The following ZNF724 variants were observed in gnomAD, a reference collection of about 807,000 sequenced individuals.
The protein encoded by ZNF724 is zinc finger protein 724.
A neutral mutation model predicts 29.3 loss-of-function variants in ZNF724; 14 were observed. That is an observed-to-expected ratio of 0.48 (90% CI 0.32 to 0.75). The LOEUF (loss-of-function observed/expected upper bound fraction) is 0.75, where lower values mean the gene tolerates loss of function less well. Among genes scored for constraint, ZNF724 ranks in the 30% least tolerant of loss-of-function variants. The pLI is 0.04. For missense variants in ZNF724, 557 were observed against 571.2 expected, an observed-to-expected ratio of 0.98 and a Z score of 0.25; for synonymous variants, 180 against 193.6, an observed-to-expected ratio of 0.93 and a Z score of 0.58.
At chr19:23,228,017 G>T (rs1971869815) in intron 3 of ZNF724, among the ~76,000 whole-genome samples, 1 of 152,146 alleles carries the variant, frequency 6.6e-6, no homozygotes, top group African/African-American at 2.4e-5. Context: ...ATGCCTTTAT[G>T]AGAGAGCCAA....
intron 3 of ZNF724, 148 bp downstream of exon 3, chr19:23,231,118 G>A (rs1214923194): frequency 1.8e-6 from 1 of 570,898 alleles, no homozygotes; most frequent in African/African-American, 1.9e-5. Context: ...CCCGACCTTA[G>A]GTCATCTGCC....
intron 1 of ZNF724, among the ~76,000 whole-genome samples, chr19:23,237,463 G>C (rs1972040119): frequency 6.6e-6 from 1 of 151,916 alleles, no homozygotes; most frequent in East Asian, 1.9e-4. Context: ...TAATGTACTA[G>C]TAATAATGTA....
At chr19:23,231,835 G>A (rs1407055245) in intron 2 of ZNF724, among the ~76,000 whole-genome samples, 1 of 151,954 alleles carries the variant, frequency 6.6e-6, no homozygotes, top group East Asian at 1.9e-4. Context: ...CCGGGTTCAA[G>A]TGATTCTCCT....
rs1972191317 is a variant in ZNF724 at position 23,244,087 on chromosome 19, A to G, written c.3+6153T>C. On this transcript the variant is annotated intron_variant, in intron 1 of 3. Coordinates refer to ENST00000418100, the MANE Select transcript of ZNF724 (RefSeq NM_001355404.2). Reference sequence around the variant, plus strand: ...ACCTCTGAACTAAAATTAAAAGTTGAAAGGAAAAAACTCGACGGGTGGGGG... The same window carrying G: ...ACCTCTGAACTAAAATTAAAAGTTGGAAGGAAAAAACTCGACGGGTGGGGG... Among the ~76,000 whole-genome samples, 4 of 151,286 alleles carry G rather than the reference A, an allele frequency of 2.6e-5. No individual in the cohort carries two copies. In the Admixed American group the frequency reaches 2.6e-4, roughly 10 times the overall value.
intron 1 of ZNF724, among the ~76,000 whole-genome samples, chr19:23,246,762 G>A (rs916689063): frequency 2.6e-5 from 4 of 152,124 alleles, no homozygotes; most frequent in African/African-American, 4.8e-5. Flanking sequence ...AGGAACTGAT[G>A]TTTTTATCAA....
chr19:23,227,131 A>G, intron 3 of ZNF724, among the ~76,000 whole-genome samples: 1 of 152,244 alleles, frequency 6.6e-6, no homozygotes, highest in East Asian at 1.9e-4. Context: ...TTTCAGAGAA[A>G]ATGCAGTATA....
chr19:23,237,717 T>A (rs374071246), intron 1 of ZNF724, among the ~76,000 whole-genome samples: 4 of 132,592 alleles, frequency 3.0e-5, no homozygotes, highest in South Asian at 2.4e-4. Context: ...GAACCCGTCT[T>A]AAAAAAAAAA....
chr19:23,244,600 T>C (rs1443992181), intron 1 of ZNF724, among the ~76,000 whole-genome samples: 3 of 152,208 alleles, frequency 2.0e-5, no homozygotes, highest in African/African-American at 4.8e-5. Context: ...AGACCTTTTA[T>C]GGTATTTTTA....
Position 23,223,017 on chromosome 19 carries a change from T to A in ZNF724, c.1228A>T (p.Thr410Ser). 1 of 1,336,546 alleles carries A rather than the reference T, an allele frequency of 7.5e-7. No homozygotes were observed. The highest frequency in any genetic ancestry group is 1.1e-6 in the Non-Finnish European group (1 of 928,522). 82.8% of individuals were successfully genotyped at this position (1,336,546 alleles called of 1,614,324 possible). The change falls in exon 4 of 4, where the codon ACC becomes TCC. Residue 410 changes from threonine (T) to serine (S), a missense_variant. Transcript: ENST00000418100. ...GKAFNTSSHL[T>S]THKRIHTGEK... is the part of the protein sequence containing the mutation. ...CCGGTATGAATTCTTTTATGTGTGG[T>A]GAGGTGTGAGGATGTGTTAAAGGCT... is the stretch of plus-strand genomic sequence containing the variant.
intron 1 of ZNF724, among the ~76,000 whole-genome samples, chr19:23,246,484 G>A (rs946962917): frequency 6.6e-6 from 1 of 151,914 alleles, no homozygotes; most frequent in Non-Finnish European, 1.5e-5. Context: ...GTGAAACACT[G>A]TCTCTACTAA....
chr19:23,232,157 T>C lies in ZNF724; in HGVS notation c.130+10A>G, dbSNP rs747833652. 4.5e-6 allele frequency: 6 copies of C among 1,323,576 alleles called. No individual in the cohort carries two copies. The highest frequency in any genetic ancestry group is 6.5e-6 in the Non-Finnish European group (6 of 917,410). The allele number at this position is 1,323,576 out of a possible 1,614,324, so 82.0% of individuals were successfully genotyped here. On this transcript the variant is annotated intron_variant, in intron 2 of 3. Coordinates refer to ENST00000418100, the MANE Select transcript of ZNF724 (RefSeq NM_001355404.2). ...GTAGATTAGGAATTGTGTATTGAAG[T>C]TATTCTCACCCAGGAAGACCAGGTT...
intron 1 of ZNF724, 118 bp downstream of exon 1, chr19:23,250,122 A>G: frequency 1.8e-6 from 1 of 545,910 alleles, no homozygotes; most frequent in South Asian, 1.4e-5. Context: ...GGCAAGGAGA[A>G]CTCAGGGCGC....
At chr19:23,249,257 T>TC (rs397730083) in intron 1 of ZNF724, among the ~76,000 whole-genome samples, 25 of 150,682 alleles carry the variant, frequency 1.7e-4, no homozygotes, top group African/African-American at 2.7e-4. Context: ...TTTTTTTTTT[T>TC]CTAGACAGAG....
chr19:23,234,902 T>A lies in ZNF724; in HGVS notation c.4-2609A>T, dbSNP rs1040181411. Among the ~76,000 whole-genome samples the A allele has an allele frequency of 5.8e-4, 89 of 152,144 alleles. 2 individuals carry two copies. The highest frequency in any genetic ancestry group is 1.6e-4 in the Non-Finnish European group (11 of 68,026). On this transcript the variant is annotated intron_variant, in intron 1 of 3. Coordinates refer to ENST00000418100, the MANE Select transcript of ZNF724 (RefSeq NM_001355404.2). ...GATGTTGCTTCTTCTAGGCTCATCA[T>A]TAGAATTGGTTAGAGAAGCAGGCAC...
chr19:23,232,964 A>C (rs892971467), intron 1 of ZNF724, among the ~76,000 whole-genome samples: 2 of 152,202 alleles, frequency 1.3e-5, no homozygotes, highest in African/African-American at 4.8e-5. Flanking sequence ...AAGATACTTA[A>C]TAATGAAGAA....
At chr19:23,227,926 CATT>C (rs1323454016) in intron 3 of ZNF724, among the ~76,000 whole-genome samples, 1 of 151,990 alleles carries the variant, frequency 6.6e-6, no homozygotes, top group African/African-American at 2.4e-5. Flanking sequence ...AATAGAGTGA[CATT>C]AGTTTGACGG....
intron 3 of ZNF724, among the ~76,000 whole-genome samples, chr19:23,225,591 G>A (rs556613574): frequency 6.6e-6 from 1 of 152,112 alleles, no homozygotes; most frequent in Admixed American, 6.5e-5. Flanking sequence ...GGGCAACAAA[G>A]CAAGACTCCG....
chr19:23,230,266 T>C (rs1373213765), intron 3 of ZNF724, among the ~76,000 whole-genome samples: 1 of 151,766 alleles, frequency 6.6e-6, no homozygotes, highest in Non-Finnish European at 1.5e-5. Flanking sequence ...GTGTATGGAT[T>C]GAAAGAATAA....
Position 23,250,255 on chromosome 19 carries a change from A to G in ZNF724, c.-13T>C, listed in dbSNP as rs769764584. ...CCACTCTCACCATTTCTAGGCTTCCAGGGGAGGCCCTGGCGTCTTAGCTGT... is the reference window on the plus strand; with the variant it reads ...CCACTCTCACCATTTCTAGGCTTCCGGGGGAGGCCCTGGCGTCTTAGCTGT... On this transcript the variant is annotated 5_prime_UTR_variant, in exon 1 of 4. Transcript: ENST00000418100. The G allele has an allele frequency of 1.6e-5, 11 of 685,794 alleles. No individual in the cohort carries two copies. The highest frequency in any genetic ancestry group is 1.5e-4 in the South Asian group (11 of 75,068). The allele number at this position is 685,794 out of a possible 1,614,324, so 42.5% of individuals were successfully genotyped here. A position where few individuals can be genotyped will look rare whatever the true frequency, so the allele number is the denominator to read the frequency against.
Sources: allele counts gnomAD v4.1 joint callset (sites outside exome capture counted in the v4.1 genomes callset), GRCh38; gene constraint gnomAD v4.1.1; transcripts MANE v1.5; gene names NCBI Gene and HGNC (gene_info 2026-07-23, HGNC 2026-07-21).